The following UGT2B17 variants were observed in gnomAD, a reference collection of about 807,000 sequenced individuals.
UGT2B17 encodes UDP-glucuronosyltransferase 2B17.
UGT2B17 carries 21 observed loss-of-function variants against 48.2 expected under a neutral mutation model. The observed-to-expected ratio is 0.44, with a 90% CI of 0.31 to 0.63. The LOEUF (loss-of-function observed/expected upper bound fraction) is 0.63, where lower values mean the gene tolerates loss of function less well. UGT2B17 is among the 20% of genes least tolerant of loss of function. The pLI is 0.08. For synonymous variants in UGT2B17, 146 were observed against 238.4 expected (o/e 0.61, Z 3.57); for missense variants, 402 against 696.1 (o/e 0.58, Z 4.75).
In UGT2B17 at chr4:68,567,402, T is replaced by C. The variant is rs1397300640; in HGVS notation, c.724+359A>G. On this transcript the variant is annotated intron_variant, in intron 2 of 6. Transcript: ENST00000317746. The stretch of plus-strand genomic sequence containing the variant: ...CATTGATAATATTTTTAGAAATATG[T>C]GTAAATATAAAATTTGTATGTCTGC... 2.4e-5 allele frequency among the ~76,000 whole-genome samples: 3 copies of C among 127,014 alleles called. 1 individual carries two copies. Among genetic ancestry groups the C allele is most frequent in the South Asian group, 6.9e-4 (2 of 2,900 alleles). 83.3% of individuals were successfully genotyped at this position (127,014 alleles called of 152,430 possible).
intron 5 of UGT2B17, 35 bp downstream of exon 5, chr4:68,551,789 C>A (rs768579461): frequency 8.4e-7 from 1 of 1,187,888 alleles, no homozygotes; most frequent in Non-Finnish European, 1.1e-6. Flanking sequence ...TTGGCTGTTA[C>A]TAATATATTC....
In UGT2B17 at chr4:68,557,533, T is replaced by G. The variant is rs182030513; in HGVS notation, c.1005+3004A>C. Reference sequence around the variant, plus strand: ...CTGATCCTTTGTTTTGTTTTGTTTTTTTTTTTAGAGTGAAGGAATCTTTCT... The same window carrying G: ...CTGATCCTTTGTTTTGTTTTGTTTTGTTTTTTAGAGTGAAGGAATCTTTCT... On this transcript the variant is annotated intron_variant, in intron 4 of 6. Transcript: ENST00000317746. 2.8e-3 allele frequency among the ~76,000 whole-genome samples: 347 copies of G among 124,500 alleles called. 77 individuals carry two copies. The highest frequency in any genetic ancestry group is 3.9e-3 in the Non-Finnish European group (232 of 58,882). 81.7% of individuals were successfully genotyped at this position (124,500 alleles called of 152,430 possible).
At chr4:68,545,855 C>A (rs1730792734) in intron 6 of UGT2B17, among the ~76,000 whole-genome samples, 1 of 125,136 alleles carries the variant, frequency 8.0e-6, no homozygotes, top group Non-Finnish European at 1.7e-5. Context: ...ACACACACAC[C>A]CTCCCAAGAC....
chr4:68,569,884 G>A lies in UGT2B17; in HGVS notation c.-64-1336C>T, dbSNP rs1350361037. 7.1e-5 allele frequency among the ~76,000 whole-genome samples: 9 copies of A among 126,398 alleles called. 2 individuals are homozygous for A. The highest frequency in any genetic ancestry group is 3.4e-5 in the Non-Finnish European group (2 of 59,488). The allele number at this position is 126,398 out of a possible 152,430, so 82.9% of individuals were successfully genotyped here. A position where few individuals can be genotyped will look rare whatever the true frequency, so the allele number is the denominator to read the frequency against. On this transcript the variant is annotated intron_variant, in intron 1 of 6. Coordinates refer to ENST00000317746, the MANE Select transcript of UGT2B17 (RefSeq NM_001077.4). Reference sequence around the variant, plus strand: ...ACTCATTAAAACAGCACGCTGCTCCGCACTGCCTCGTGTTGTCTGTTGGCA... The same window carrying A: ...ACTCATTAAAACAGCACGCTGCTCCACACTGCCTCGTGTTGTCTGTTGGCA...
In UGT2B17 at chr4:68,568,419, A is replaced by G; in HGVS notation, c.66T>C (p.Ser22=). Residue 22 remains serine, a synonymous_variant, in exon 2 of 7, where the codon AGT becomes AGC. Transcript: ENST00000317746. ...MQLSCYFSSG[S]CGKVLVWPTE... Reference sequence around the variant, plus strand: ...TGGGCCACACCAGCACCTTTCCACAACTCCCAGAGCTAAAGTAACAACTGA... The same window carrying G: ...TGGGCCACACCAGCACCTTTCCACAGCTCCCAGAGCTAAAGTAACAACTGA... The G allele has an allele frequency of 8.8e-6, 12 of 1,370,096 alleles. 4 individuals carry two copies. Among genetic ancestry groups the G allele is most frequent in the Non-Finnish European group, 1.1e-5 (12 of 1,053,000 alleles). The allele number at this position is 1,370,096 out of a possible 1,614,324, so 84.9% of individuals were successfully genotyped here.
chr4:68,575,411 C>T (rs2109782132), intron 1 of UGT2B17, among the ~76,000 whole-genome samples: 1 of 124,616 alleles, frequency 8.0e-6, no homozygotes, highest in Middle Eastern at 3.9e-3. Flanking sequence ...GCTAACCTAC[C>T]TCTAATGCTG....
In UGT2B17 at chr4:68,568,037, G is replaced by C; in HGVS notation, c.448C>G (p.Leu150Val). Residue 150 changes from leucine to valine, a missense_variant, in exon 2 of 7, where the codon CTG becomes GTG. Around this residue, in one of 5 missense-constraint regions of UGT2B17, gnomAD observed 84 missense variants for 92.6 expected, o/e 0.91. Coordinates refer to ENST00000317746, the MANE Select transcript of UGT2B17 (RefSeq NM_001077.4). The stretch of plus-strand genomic sequence containing the variant: ...CCACAGGGATTAACGGCATCTGCCA[G>C]AAGGACATCAAATTTTGACTCTTGT... ...KLQESKFDVL[L>V]ADAVNPCGEL... 1.4e-6 allele frequency: 2 copies of C among 1,382,920 alleles called. No individual in the cohort carries two copies. Among genetic ancestry groups the C allele is most frequent in the Non-Finnish European group, 1.9e-6 (2 of 1,055,536 alleles). The allele number at this position is 1,382,920 out of a possible 1,614,324, so 85.7% of individuals were successfully genotyped here. A position where few individuals can be genotyped will look rare whatever the true frequency, so the allele number is the denominator to read the frequency against.
rs376416319 is a variant in UGT2B17, at chr4:68,565,027, C to G, written c.873+545G>C. Among the ~76,000 whole-genome samples, 842 of 119,812 alleles carry G rather than the reference C, an allele frequency of 7.0e-3. 113 individuals carry two copies. Among genetic ancestry groups the G allele is most frequent in the African/African-American group, 0.016 (582 of 35,408 alleles). 78.6% of individuals were successfully genotyped at this position (119,812 alleles called of 152,430 possible). A position where few individuals can be genotyped will look rare whatever the true frequency, so the allele number is the denominator to read the frequency against. On this transcript the variant is annotated intron_variant, in intron 3 of 6. Coordinates refer to ENST00000317746, the MANE Select transcript of UGT2B17 (RefSeq NM_001077.4). ...CTGGCCTCTGGTTTTCTTTTTGGGT[C>G]TTTCTCATCCCCTCATCGTTTCACC...
At chr4:68,542,250 C>A (rs1247509087) in intron 6 of UGT2B17, among the ~76,000 whole-genome samples, 1 of 126,170 alleles carries the variant, frequency 7.9e-6, no homozygotes, top group African/African-American at 2.7e-5. Flanking sequence ...GTACCAGTAC[C>A]ATTCTGTTTT....
rs1451593665 is a variant in UGT2B17, at chr4:68,573,031, A to T, written c.-65+2920T>A. On this transcript the variant is annotated intron_variant, in intron 1 of 6. Coordinates refer to ENST00000317746, the MANE Select transcript of UGT2B17 (RefSeq NM_001077.4). ...GGTTATGTGGGGATTTTCACAATGC[A>T]AGCTTTGGTATCTAGTTAGTCTATC... is the stretch of plus-strand genomic sequence containing the variant. Among the ~76,000 whole-genome samples, 5 of 127,580 alleles carry T rather than the reference A, an allele frequency of 3.9e-5. 2 individuals carry two copies. Among genetic ancestry groups the T allele is most frequent in the Non-Finnish European group, 8.3e-5 (5 of 59,918 alleles). 83.7% of individuals were successfully genotyped at this position (127,580 alleles called of 152,430 possible). A position where few individuals can be genotyped will look rare whatever the true frequency, so the allele number is the denominator to read the frequency against.
intron 6 of UGT2B17, among the ~76,000 whole-genome samples, chr4:68,542,306 C>T (rs1397393674): frequency 2.4e-5 from 3 of 126,284 alleles, no homozygotes; most frequent in African/African-American, 8.1e-5. Flanking sequence ...TAGCGTGATG[C>T]CTCCAGCTTT....
At chr4:68,569,183 G>T (rs1281114404) in intron 1 of UGT2B17, among the ~76,000 whole-genome samples, 10 of 123,412 alleles carry the variant, frequency 8.1e-5, no homozygotes, top group Non-Finnish European at 1.5e-4. Flanking sequence ...TTTAGCTGCA[G>T]GTCAACTGCA....
rs1213819272 is a variant in UGT2B17 at position 68,554,413 on chromosome 4, A to G, written c.1006-2502T>C. The stretch of plus-strand genomic sequence containing the variant: ...GCCCTAAGGTTGTCCTACAAACTGT[A>G]GAGTTCCTAAGTTCTCTCTTTTTTA... On this transcript the variant is annotated intron_variant, in intron 4 of 6. Coordinates refer to ENST00000317746, the MANE Select transcript of UGT2B17 (RefSeq NM_001077.4). Among the ~76,000 whole-genome samples the G allele has an allele frequency of 2.4e-5, 3 of 125,982 alleles. 1 individual carries two copies. Among genetic ancestry groups the G allele is most frequent in the African/African-American group, 8.1e-5 (3 of 36,886 alleles). 82.6% of individuals were successfully genotyped at this position (125,982 alleles called of 152,430 possible).
At position 68,550,896 on chromosome 4, in the gene UGT2B17, C is replaced by T; in HGVS notation, c.1094G>A (p.Gly365Asp). The T allele has an allele frequency of 3.0e-6, 4 of 1,355,582 alleles. 1 individual carries two copies. The highest frequency in any genetic ancestry group is 3.8e-6 in the Non-Finnish European group (4 of 1,039,320). The allele number at this position is 1,355,582 out of a possible 1,614,324, so 84.0% of individuals were successfully genotyped here. A position where few individuals can be genotyped will look rare whatever the true frequency, so the allele number is the denominator to read the frequency against. ...YKWLPQNDLL[G>D]HPKTKAFITH... ...TATAAAAGCTTTGGTTTTGGGATGA[C>T]CTAAAAGTGGATGCATTTTAACAAA... The change falls in exon 6 of 7, where the codon GGT (glycine) becomes GAT (aspartate). Residue 365 changes from glycine (G) to aspartate (D), a missense_variant and splice_region_variant. Transcript: ENST00000317746.
intron 5 of UGT2B17, 133 bp from the exon 6 acceptor site, chr4:68,551,029 TG>T: frequency 1.5e-6 from 1 of 674,586 alleles, no homozygotes; most frequent in South Asian, 4.4e-5. Flanking sequence ...GCATTGAAAT[TG>T]TTTTCAAATT....
chr4:68,541,788 T>G, intron 6 of UGT2B17, among the ~76,000 whole-genome samples: 1 of 127,212 alleles, frequency 7.9e-6, no homozygotes, highest in Admixed American at 8.0e-5. Context: ...GTTTTACATT[T>G]AAGTCTTTAA....
In UGT2B17 at chr4:68,572,021, C is replaced by G. The variant is rs780088694; in HGVS notation, c.-64-3473G>C. Among the ~76,000 whole-genome samples the G allele has an allele frequency of 1.6e-5, 2 of 125,148 alleles. 1 individual carries two copies. Among genetic ancestry groups the G allele is most frequent in the Non-Finnish European group, 3.4e-5 (2 of 59,208 alleles). The allele number at this position is 125,148 out of a possible 152,430, so 82.1% of individuals were successfully genotyped here. On this transcript the variant is annotated intron_variant, in intron 1 of 6. Coordinates refer to ENST00000317746, the MANE Select transcript of UGT2B17 (RefSeq NM_001077.4). ...TTATCAATTCTAAAAGGTTGTAGCT[C>G]CTATTCATGCAAGAGGGGCTGAGTT...
chr4:68,545,318 A>G lies in UGT2B17; in HGVS notation c.1313+5359T>C, dbSNP rs758829611. Among the ~76,000 whole-genome samples the G allele has an allele frequency of 1.8e-4, 23 of 126,738 alleles. 6 individuals are homozygous for G. The highest frequency in any genetic ancestry group is 3.0e-4 in the Non-Finnish European group (18 of 59,764). The allele number at this position is 126,738 out of a possible 152,430, so 83.1% of individuals were successfully genotyped here. Reference sequence around the variant, plus strand: ...TGGAAACTGAACAACCTGCTTCTGAATGACTACTGGGTACATAATGAAATG... The same window carrying G: ...TGGAAACTGAACAACCTGCTTCTGAGTGACTACTGGGTACATAATGAAATG... On this transcript the variant is annotated intron_variant, in intron 6 of 6. Transcript: ENST00000317746.
At position 68,545,069 on chromosome 4, in the gene UGT2B17, A is replaced by G. The variant is rs1027582544; in HGVS notation, c.1313+5608T>C. Among the ~76,000 whole-genome samples, 12 of 125,940 alleles carry G rather than the reference A, an allele frequency of 9.5e-5. 2 individuals are homozygous for G. Among genetic ancestry groups the G allele is most frequent in the Non-Finnish European group, 1.3e-4 (8 of 59,434 alleles). The allele number at this position is 125,940 out of a possible 152,430, so 82.6% of individuals were successfully genotyped here. A position where few individuals can be genotyped will look rare whatever the true frequency, so the allele number is the denominator to read the frequency against. On this transcript the variant is annotated intron_variant, in intron 6 of 6. Transcript: ENST00000317746. ...GAATTGAACTCAGCTCTGCACGAAG[A>G]GGACCTAATAGACATCTACAGAACT...
Sources: gnomAD v4.1 joint callset for allele counts (sites outside exome capture counted in the v4.1 genomes callset) on GRCh38, gnomAD v4.1.1 for gene constraint, gnomAD v4.1.1 regional missense constraint, MANE v1.5 for transcripts, NCBI Gene and HGNC (gene_info 2026-07-23, HGNC 2026-07-21) for gene names.